The following RNF168 variants were observed in gnomAD, a reference collection of about 807,000 sequenced individuals.
RNF168 encodes the protein E3 ubiquitin-protein ligase RNF168.
In RNF168, 34 loss-of-function variants were observed where a neutral mutation model predicts 34.9. The observed-to-expected ratio is 0.97, with a 90% CI of 0.74 to 1.30. RNF168 has a LOEUF of 1.30. RNF168 is among the 50% of genes most tolerant of loss of function. The pLI, the probability that RNF168 is intolerant of heterozygous loss-of-function variation, is 0.00. For missense variants in RNF168, 725 were observed against 682.5 expected, an observed-to-expected ratio of 1.06 and a Z score of -0.69; for synonymous variants, 264 against 254.7, an observed-to-expected ratio of 1.04 and a Z score of -0.35.
At chr3:196,483,677 C>T (rs1185877681) in intron 4 of RNF168, 93 bp downstream of exon 4, 7 of 1,111,086 alleles carry the variant, frequency 6.3e-6, no homozygotes, top group Non-Finnish European at 9.6e-6. Context: ...AGTTCACGGA[C>T]CAAACTTTGA....
At position 196,474,989 on chromosome 3, in the gene RNF168, T is replaced by G. The variant is rs190827672; in HGVS notation, c.762+242A>C. ...AAGCTGTGACACAGATCACACTAAC[T>G]GCAAAGGCGAAAATATTCACTCTCT... On this transcript the variant is annotated intron_variant, in intron 5 of 5. Transcript: ENST00000318037. The G allele has an allele frequency of 1.8e-4, 85 of 477,968 alleles. 1 individual carries two copies. Among genetic ancestry groups the G allele is most frequent in the Non-Finnish European group, 2.6e-4 (68 of 262,166 alleles). The allele number at this position is 477,968 out of a possible 1,614,324, so 29.6% of individuals were successfully genotyped here.
Position 196,471,436 on chromosome 3 carries a change from A to C in RNF168, c.*383T>G, listed in dbSNP as rs1165119850. On this transcript the variant is annotated 3_prime_UTR_variant, in exon 6 of 6. Coordinates refer to ENST00000318037, the MANE Select transcript of RNF168 (RefSeq NM_152617.4). ...ATTTTAAACCCTGCATGGGTTCCTT[A>C]ATCACTCAGAATAGTATAATCTTGC... 5.3e-6 allele frequency: 1 copy of C among 187,400 alleles called. No homozygotes were observed. The highest frequency in any genetic ancestry group is 1.1e-5 in the Non-Finnish European group (1 of 89,422). The allele number at this position is 187,400 out of a possible 1,614,324, so 11.6% of individuals were successfully genotyped here.
intron 1 of RNF168, among the ~76,000 whole-genome samples, chr3:196,494,769 TC>T (rs1732695926): frequency 6.6e-6 from 1 of 152,178 alleles, no homozygotes; most frequent in Non-Finnish European, 1.5e-5. Context: ...ACACCTGTGA[TC>T]CCAGCACTTT....
intron 2 of RNF168, 119 bp downstream of exon 2, chr3:196,488,488 A>AT: frequency 1.5e-6 from 1 of 649,050 alleles, no homozygotes; most frequent in Non-Finnish European, 2.7e-6. Flanking sequence ...TCTCAAAAAA[A>AT]AAAAATTATC....
At position 196,471,693 on chromosome 3, in the gene RNF168, C is replaced by A; in HGVS notation, c.*126G>T. Reference sequence around the variant, plus strand: ...TATGCAGTCCTTACAATCACACAGACCTTCATTAAGGACAATGAGTGTGCC... The same window carrying A: ...TATGCAGTCCTTACAATCACACAGAACTTCATTAAGGACAATGAGTGTGCC... On this transcript the variant is annotated 3_prime_UTR_variant, in exon 6 of 6. Transcript: ENST00000318037. 1 of 741,758 alleles carries A rather than the reference C, an allele frequency of 1.3e-6. No homozygotes were observed. The highest frequency in any genetic ancestry group is 2.4e-6 in the Non-Finnish European group (1 of 414,804). 45.9% of individuals were successfully genotyped at this position (741,758 alleles called of 1,614,324 possible).
At chr3:196,490,905 C>T (rs1352617402) in intron 1 of RNF168, among the ~76,000 whole-genome samples, 7 of 152,232 alleles carry the variant, frequency 4.6e-5, no homozygotes, top group African/African-American at 1.7e-4. Context: ...GAAGGATAAT[C>T]AGCTGGCTTA....
At position 196,483,774 on chromosome 3, in the gene RNF168, G is replaced by C; in HGVS notation, c.676C>G (p.Gln226Glu). The C allele has an allele frequency of 6.2e-7, 1 of 1,610,836 alleles. No individual in the cohort carries two copies. The highest frequency in any genetic ancestry group is 8.5e-7 in the Non-Finnish European group (1 of 1,177,180). Reference sequence around the variant, plus strand: ...TTCATAGTCATGTTCACTTACTTCTGAATATCTCCAGTGTTTCTTTGTTTG... The same window carrying C: ...TTCATAGTCATGTTCACTTACTTCTCAATATCTCCAGTGTTTCTTTGTTTG... ...KNKQRNTGDI[Q>E]KYLTPKSQFG... Residue 226 changes from glutamine to glutamate, a missense_variant, in exon 4 of 6, where the codon CAG (glutamine) becomes GAG (glutamate). By Grantham distance (29) the Gln-to-Glu change is conservative. Coordinates refer to ENST00000318037, the MANE Select transcript of RNF168 (RefSeq NM_152617.4).
intron 3 of RNF168, among the ~76,000 whole-genome samples, chr3:196,484,169 TCC>T (rs141138125): frequency 1.2e-4 from 14 of 120,220 alleles, no homozygotes; most frequent in African/African-American, 4.3e-4. Flanking sequence ...GATCTTTCTT[TCC>T]TTTTTTTTTT....
At position 196,472,638 on chromosome 3, in the gene RNF168, T is replaced by C. The variant is rs373269819; in HGVS notation, c.897A>G (p.Pro299=). 1 of 1,613,080 alleles carries C rather than the reference T, an allele frequency of 6.2e-7. No individual in the cohort carries two copies. The highest frequency in any genetic ancestry group is 1.3e-5 in the African/African-American group (1 of 75,034). Residue 299 remains proline, a synonymous_variant, in exon 6 of 6, where the codon CCA becomes CCG. Transcript: ENST00000318037. ...ATTCGGCACCACAGGCACATAACCA[T>C]GGCATAGGGGACTCTATTGAAGAAT... ...GADSSIESPM[P]WLCACGAEWY...
In RNF168 at chr3:196,471,792, A is replaced by ATCACAAAGCAC; in HGVS notation, c.*16_*26dup. On this transcript the variant is annotated 3_prime_UTR_variant, in exon 6 of 6. Transcript: ENST00000318037. ...GAGCTTCACATTCCAGCTTTACTAG[A>ATCACAAAGCAC]TCACAAAGCACTCCCTTTACCAGGC... 1 of 1,412,926 alleles carries ATCACAAAGCAC rather than the reference A, an allele frequency of 7.1e-7. No homozygotes were observed. Among genetic ancestry groups the ATCACAAAGCAC allele is most frequent in the Non-Finnish European group, 1.0e-6 (1 of 996,854 alleles). The allele number at this position is 1,412,926 out of a possible 1,614,324, so 87.5% of individuals were successfully genotyped here.
Position 196,483,757 on chromosome 3 carries a change from C to T in RNF168, c.680+13G>A, listed in dbSNP as rs1732350572. 1.9e-6 allele frequency: 3 copies of T among 1,607,172 alleles called. No homozygotes were observed. The highest frequency in any genetic ancestry group is 2.6e-6 in the Non-Finnish European group (3 of 1,174,098). On this transcript the variant is annotated intron_variant, in intron 4 of 5. Coordinates refer to ENST00000318037, the MANE Select transcript of RNF168 (RefSeq NM_152617.4). ...AGGAGGTCAACAAATAATTCATAGTCATGTTCACTTACTTCTGAATATCTC... is the reference window on the plus strand; with the variant it reads ...AGGAGGTCAACAAATAATTCATAGTTATGTTCACTTACTTCTGAATATCTC...
intron 4 of RNF168, among the ~76,000 whole-genome samples, chr3:196,476,070 G>A (rs1331780135): frequency 1.3e-5 from 2 of 151,300 alleles, no homozygotes; most frequent in Non-Finnish European, 2.9e-5. Flanking sequence ...TGTTGGTCAG[G>A]CTGGTCTCGA....
intron 1 of RNF168, among the ~76,000 whole-genome samples, chr3:196,497,358 G>T (rs973408125): frequency 6.6e-6 from 1 of 152,066 alleles, no homozygotes; most frequent in African/African-American, 2.4e-5. Flanking sequence ...AATTTGAAAT[G>T]GATCAAAGAC....
chr3:196,502,862 G>T lies in RNF168; in HGVS notation c.301+11C>A. The T allele has an allele frequency of 6.2e-7, 1 of 1,611,008 alleles. No individual in the cohort carries two copies. The highest frequency in any genetic ancestry group is 8.5e-7 in the Non-Finnish European group (1 of 1,177,240). On this transcript the variant is annotated intron_variant, in intron 1 of 5. Coordinates refer to ENST00000318037, the MANE Select transcript of RNF168 (RefSeq NM_152617.4). Reference sequence around the variant, plus strand: ...GGCTTTTGGCCAACAAACACGCCATGGTTTACTCACCCACTTCCTCTGATT... The same window carrying T: ...GGCTTTTGGCCAACAAACACGCCATTGTTTACTCACCCACTTCCTCTGATT...
chr3:196,472,779 A>G lies in RNF168; in HGVS notation c.763-7T>C, dbSNP rs1732044188. 1 of 1,562,218 alleles carries G rather than the reference A, an allele frequency of 6.4e-7. No homozygotes were observed. The highest frequency in any genetic ancestry group is 8.8e-7 in the Non-Finnish European group (1 of 1,133,718). ...TATCACTACTGTCAATGTCCTGTAG[A>G]AAACAGAAAAAGACTGAGTGAACCA... On this transcript the variant is annotated splice_polypyrimidine_tract_variant and splice_region_variant and intron_variant, in intron 5 of 5. Transcript: ENST00000318037.
At chr3:196,473,420 G>T (rs771767256) in intron 5 of RNF168, among the ~76,000 whole-genome samples, 1 of 152,108 alleles carries the variant, frequency 6.6e-6, no homozygotes, top group Non-Finnish European at 1.5e-5. Context: ...TAAATAATAG[G>T]ATCTACCAGC....
At chr3:196,473,718 G>C (rs1283004868) in intron 5 of RNF168, among the ~76,000 whole-genome samples, 1 of 152,056 alleles carries the variant, frequency 6.6e-6, no homozygotes, top group Non-Finnish European at 1.5e-5. Context: ...AGCCGGGCGT[G>C]GGGGTATAAG....
In RNF168 at chr3:196,478,062, G is replaced by T. The variant is rs551371383; in HGVS notation, c.681-2750C>A. Among the ~76,000 whole-genome samples, 67 of 152,336 alleles carry T rather than the reference G, an allele frequency of 4.4e-4. 1 individual carries two copies. Among genetic ancestry groups the T allele is most frequent in the Admixed American group, 2.9e-3 (45 of 15,302 alleles). On this transcript the variant is annotated intron_variant, in intron 4 of 5. Coordinates refer to ENST00000318037, the MANE Select transcript of RNF168 (RefSeq NM_152617.4). Reference sequence around the variant, plus strand: ...TCTTGCCACTGTGGCCTGGGTAACAGTGAGACCCTGTCTCTTAAACAAAAC... The same window carrying T: ...TCTTGCCACTGTGGCCTGGGTAACATTGAGACCCTGTCTCTTAAACAAAAC...
rs1159042044 is a variant in RNF168, at chr3:196,487,337, G to A, written c.558+62C>T. On this transcript the variant is annotated intron_variant, in intron 3 of 5. Coordinates refer to ENST00000318037, the MANE Select transcript of RNF168 (RefSeq NM_152617.4). The stretch of plus-strand genomic sequence containing the variant: ...CAAGGAGCTGACTCTTCCCATGAGC[G>A]GGTTCTGCAGCAGCGCATACCAAGG... The A allele has an allele frequency of 1.7e-5, 23 of 1,316,814 alleles. 1 individual carries two copies. In the South Asian group the frequency reaches 1.8e-4, roughly 10 times the overall value. 81.6% of individuals were successfully genotyped at this position (1,316,814 alleles called of 1,614,324 possible). A position where few individuals can be genotyped will look rare whatever the true frequency, so the allele number is the denominator to read the frequency against.
Sources: gnomAD v4.1 joint callset for allele counts (sites outside exome capture counted in the v4.1 genomes callset) on GRCh38, gnomAD v4.1.1 for gene constraint, MANE v1.5 for transcripts, NCBI Gene and HGNC (gene_info 2026-07-23, HGNC 2026-07-21) for gene names.